NAA11: variants seen among roughly 807,000 people sequenced by gnomAD.
NAA11 encodes the protein N-alpha-acetyltransferase 11.
Under a neutral mutation model 16.1 loss-of-function variants are expected in NAA11, and 15 were observed. The ratio of observed to expected loss-of-function variants is 0.93; its 90% CI spans 0.62 to 1.44. NAA11 has a LOEUF of 1.44. Among genes scored for constraint, NAA11 ranks in the 40% most tolerant of loss-of-function variants. NAA11 has a pLI of 0.00. For synonymous variants in NAA11, 122 were observed against 112.4 expected (o/e 1.09, Z -0.54); for missense variants, 298 against 291.3 (o/e 1.02, Z -0.17).
At chr4:79,258,559 A>C (rs1722176423) in intron 2 of NAA11, among the ~76,000 whole-genome samples, 1 of 152,188 alleles carries the variant, frequency 6.6e-6, no homozygotes, top group African/African-American at 2.4e-5. Flanking sequence ...GCTGATGAGC[A>C]TAGGAGGGAA....
intron 2 of NAA11, among the ~76,000 whole-genome samples, chr4:79,288,744 A>T (rs1367411872): frequency 1.3e-5 from 2 of 152,172 alleles, no homozygotes; most frequent in Non-Finnish European, 2.9e-5. Context: ...AAATTACTAA[A>T]CAATACATGT....
At chr4:79,286,703 G>A (rs1465307820) in intron 2 of NAA11, among the ~76,000 whole-genome samples, 1 of 151,834 alleles carries the variant, frequency 6.6e-6, no homozygotes, top group African/African-American at 2.4e-5. Context: ...TATGTATTAC[G>A]TATCTGCTAA....
chr4:79,248,429 A>G (rs1721895084), intron 2 of NAA11, among the ~76,000 whole-genome samples: 1 of 152,042 alleles, frequency 6.6e-6, no homozygotes, highest in African/African-American at 2.4e-5. Flanking sequence ...ACACCCCACC[A>G]TGCCATGGCT....
chr4:79,307,544 T>C (rs1020991148), intron 1 of NAA11, among the ~76,000 whole-genome samples: 7 of 152,156 alleles, frequency 4.6e-5, no homozygotes, highest in African/African-American at 1.7e-4. Context: ...GTTTAAAAAT[T>C]ATGGAGTAGG....
intron 2 of NAA11, among the ~76,000 whole-genome samples, chr4:79,278,385 A>G (rs1722712733): frequency 6.6e-6 from 1 of 152,114 alleles, no homozygotes; most frequent in South Asian, 2.1e-4. Flanking sequence ...ATCTTGTACT[A>G]AGCCCTGAAT....
At chr4:79,256,651 A>AATATAAATATAT (rs1553892411) in intron 2 of NAA11, among the ~76,000 whole-genome samples, 1 of 130,768 alleles carries the variant, frequency 7.6e-6, no homozygotes, top group Non-Finnish European at 1.6e-5. Context: ...TATAAATATA[A>AATATAAATATAT]ATATATATAT....
downstream of NAA11, among the ~76,000 whole-genome samples, chr4:79,313,842 A>T (rs1723853226): frequency 6.6e-6 from 1 of 152,180 alleles, no homozygotes; most frequent in South Asian, 2.1e-4. Flanking sequence ...TGGTGATGGG[A>T]TATGAGGAGC....
chr4:79,209,490 C>T, the NAA11 span, among the ~76,000 whole-genome samples: 1 of 152,070 alleles, frequency 6.6e-6, no homozygotes, highest in Non-Finnish European at 1.5e-5. Context: ...GTTAATACAT[C>T]CACTGAACAC....
At chr4:79,273,714 C>T (rs1722551605) in intron 2 of NAA11, among the ~76,000 whole-genome samples, 1 of 152,040 alleles carries the variant, frequency 6.6e-6, no homozygotes, top group South Asian at 2.1e-4. Flanking sequence ...ACTGCATAAT[C>T]TATCACCTAA....
the NAA11 span, among the ~76,000 whole-genome samples, chr4:79,193,634 T>C: frequency 6.6e-6 from 1 of 152,186 alleles, no homozygotes; most frequent in Non-Finnish European, 1.5e-5. Flanking sequence ...TGTAGCCTTG[T>C]GGTATAGTTT....
intron 2 of NAA11, among the ~76,000 whole-genome samples, chr4:79,267,103 A>C (rs1722371313): frequency 6.6e-6 from 1 of 152,212 alleles, no homozygotes; most frequent in African/African-American, 2.4e-5. Flanking sequence ...AGATATAAAT[A>C]TAGTCAAGAA....
At chr4:79,177,319 T>A in the NAA11 span, among the ~76,000 whole-genome samples, 1 of 151,928 alleles carries the variant, frequency 6.6e-6, no homozygotes, top group Non-Finnish European at 1.5e-5. Context: ...CAGAAGACGG[T>A]GTCTCCCCTG....
chr4:79,310,433 A>T (rs1248584899), intron 1 of NAA11, among the ~76,000 whole-genome samples: 1 of 152,222 alleles, frequency 6.6e-6, no homozygotes, highest in African/African-American at 2.4e-5. Flanking sequence ...TATTTTGTGG[A>T]TGTGGAAATT....
chr4:79,245,911 T>C lies in NAA11; in HGVS notation c.*123-19641A>G, dbSNP rs565923888. 6.2e-3 allele frequency among the ~76,000 whole-genome samples: 937 copies of C among 152,318 alleles called. 4 individuals carry two copies. The highest frequency in any genetic ancestry group is 0.01 in the Middle Eastern group (3 of 294). ...ACAGCTCATTGAGAACGGGCCATGA[T>C]GACGATGGCGGTTTTGTCGAATAGA... On this transcript the variant is annotated intron_variant and NMD_transcript_variant, in intron 2 of 2. Coordinates refer to the NAA11 transcript ENST00000511542.
chr4:79,215,071 T>A, the NAA11 span, among the ~76,000 whole-genome samples: 1 of 152,236 alleles, frequency 6.6e-6, no homozygotes, highest in Non-Finnish European at 1.5e-5. Context: ...ATTTCTCATA[T>A]TGTTCATCAA....
the NAA11 span, among the ~76,000 whole-genome samples, chr4:79,217,982 T>A: frequency 8.5e-5 from 13 of 152,280 alleles, no homozygotes; most frequent in African/African-American, 3.1e-4. Flanking sequence ...GCTTGCCTAA[T>A]TCCTTCCCAT....
At chr4:79,165,437 A>G in the NAA11 span, among the ~76,000 whole-genome samples, 40 of 152,324 alleles carry the variant, frequency 2.6e-4, no homozygotes, top group East Asian at 7.3e-3. Flanking sequence ...GAATGAGAGA[A>G]GGAAAGCAAG....
chr4:79,172,055 C>G, the NAA11 span, among the ~76,000 whole-genome samples: 1 of 151,976 alleles, frequency 6.6e-6, no homozygotes, highest in African/African-American at 2.4e-5. Context: ...ATAGGAAAGG[C>G]AGAAAATAAT....
chr4:79,241,099 A>G (rs111863960), intron 2 of NAA11, among the ~76,000 whole-genome samples: 2 of 152,140 alleles, frequency 1.3e-5, no homozygotes, highest in Admixed American at 1.3e-4. Flanking sequence ...CCACTTGTAC[A>G]TAGATTTTCT....
Sources: allele counts gnomAD v4.1 joint callset (sites outside exome capture counted in the v4.1 genomes callset), GRCh38; gene constraint gnomAD v4.1.1; transcripts MANE v1.5; gene names NCBI Gene and HGNC (gene_info 2026-07-23, HGNC 2026-07-21).